Variants in TRRAP observed in about 807,000 individuals in gnomAD.
TRRAP encodes the protein transformation/transcription domain-associated protein.
In TRRAP, 41 loss-of-function variants were observed where a neutral mutation model predicts 438.8. That is an observed-to-expected ratio of 0.09 (90% confidence interval 0.07 to 0.12). The LOEUF (loss-of-function observed/expected upper bound fraction) is 0.12. Ranked by LOEUF, TRRAP falls within the 10% of genes least tolerant of loss-of-function variation. TRRAP has a pLI of 1.00. For synonymous variants in TRRAP, 1,994 were observed against 1,962.9 expected, an observed-to-expected ratio of 1.02 and a Z score of -0.42; for missense variants, 3,122 against 5,055.1, an observed-to-expected ratio of 0.62 and a Z score of 11.60.
At chr7:98,903,167 A>C (rs1262023734) in intron 11 of TRRAP, among the ~76,000 whole-genome samples, 1 of 152,166 alleles carries the variant, frequency 6.6e-6, no homozygotes, top group Non-Finnish European at 1.5e-5. Flanking sequence ...GATTACAGGC[A>C]TGTGCCATCA....
intron 15 of TRRAP, 32 bp downstream of exon 15, chr7:98,910,451 A>G (rs1554408550): frequency 1.2e-6 from 2 of 1,612,712 alleles, no homozygotes; most frequent in African/African-American, 2.7e-5. Context: ...GTAGACAAAC[A>G]ATAGTTTTCA....
chr7:98,967,298 G>T, intron 50 of TRRAP, 136 bp downstream of exon 50: 1 of 1,352,486 alleles, frequency 7.4e-7, no homozygotes, highest in Non-Finnish European at 1.0e-6. Context: ...TAAATTGTGT[G>T]ACCTACTTTG....
At chr7:98,899,631 G>A (rs782641799) in intron 9 of TRRAP, 48 bp from the exon 10 acceptor site, 35 of 1,608,208 alleles carry the variant, frequency 2.2e-5, no homozygotes, top group African/African-American at 5.3e-5. Context: ...AGATTTTGTC[G>A]CCATAGCAGA....
intron 5 of TRRAP, among the ~76,000 whole-genome samples, 166 bp from the exon 6 acceptor site, chr7:98,893,632 G>A (rs1796071292): frequency 6.6e-6 from 1 of 152,196 alleles, no homozygotes; most frequent in African/African-American, 2.4e-5. Flanking sequence ...CCTTCTGGTG[G>A]TGCACTGAAG....
At position 98,921,958 on chromosome 7, in the gene TRRAP, GCT is replaced by G; in HGVS notation, c.2823+8_2823+9del. 1 of 1,614,216 alleles carries G rather than the reference GCT, an allele frequency of 6.2e-7. No individual in the cohort carries two copies. Among genetic ancestry groups the G allele is most frequent in the Non-Finnish European group, 8.5e-7 (1 of 1,180,038 alleles). The stretch of plus-strand genomic sequence containing the variant: ...CTCCAGCTCCCCATGGAGAAGGTAA[GCT>G]CTGTGACAATGTCGTTTCGTTTTAA... On this transcript the variant is annotated splice_donor_region_variant and intron_variant, in intron 21 of 72. Transcript: ENST00000456197.
intron 65 of TRRAP, among the ~76,000 whole-genome samples, chr7:98,992,963 G>A (rs1793494971): frequency 6.6e-6 from 1 of 152,160 alleles, no homozygotes; most frequent in Non-Finnish European, 1.5e-5. Flanking sequence ...TTAAGACTAA[G>A]TGTAGAGAGG....
intron 64 of TRRAP, among the ~76,000 whole-genome samples, chr7:98,991,119 G>A (rs953176871): frequency 1.3e-5 from 2 of 152,150 alleles, no homozygotes; most frequent in African/African-American, 2.4e-5. Flanking sequence ...CCGGGGAAGC[G>A]GACAGCCCAG....
In TRRAP at chr7:99,012,501, T is replaced by C; in HGVS notation, c.*146T>C. 1.0e-6 allele frequency: 1 copy of C among 997,330 alleles called. No homozygotes were observed. Among genetic ancestry groups the C allele is most frequent in the African/African-American group, 1.6e-5 (1 of 61,248 alleles). The allele number at this position is 997,330 out of a possible 1,614,324, so 61.8% of individuals were successfully genotyped here. A position where few individuals can be genotyped will look rare whatever the true frequency, so the allele number is the denominator to read the frequency against. ...GCGGTTATTTTCCTGGTAGTTTGCGTGTAAGAAAGGGAGAATATAGTTTTA... is the reference window on the plus strand; with the variant it reads ...GCGGTTATTTTCCTGGTAGTTTGCGCGTAAGAAAGGGAGAATATAGTTTTA... On this transcript the variant is annotated 3_prime_UTR_variant, in exon 73 of 73. Transcript: ENST00000456197. The surrounding 1 kb of genome is among the most constrained non-coding windows in gnomAD (Gnocchi z 5.9).
In TRRAP at chr7:98,953,175, C is replaced by T; in HGVS notation, c.5472C>T (p.Asp1824=). 1 of 1,612,660 alleles carries T rather than the reference C, an allele frequency of 6.2e-7. No individual in the cohort carries two copies. The highest frequency in any genetic ancestry group is 8.5e-7 in the Non-Finnish European group (1 of 1,179,968). The change falls in exon 40 of 73, where the codon GAC becomes GAT. Residue 1824 remains aspartate (D), a synonymous_variant. Transcript: ENST00000456197. ...ITSVFITKVL[D]PEKQADMLDS... ...CTGCTGTCCCTGCACAGGTCCTGGACCCCGAGAAGCAGGCGGACATGCTGG... is the reference window on the plus strand; with the variant it reads ...CTGCTGTCCCTGCACAGGTCCTGGATCCCGAGAAGCAGGCGGACATGCTGG...
intron 30 of TRRAP, among the ~76,000 whole-genome samples, chr7:98,938,724 CCTTTTCATTATATACCATGATGCACTG>C (rs1554414882): frequency 1.3e-5 from 2 of 152,150 alleles, no homozygotes; most frequent in Non-Finnish European, 2.9e-5. Context: ...TTGTTCCCAG[CCTTTTCATTATATACCATGATGCACTG>C]AAAGACTTGT....
chr7:98,904,030 G>A (rs546360905), intron 12 of TRRAP, among the ~76,000 whole-genome samples: 102 of 152,110 alleles, frequency 6.7e-4, no homozygotes, highest in Non-Finnish European at 6.8e-4. Context: ...GGCTGGTCTC[G>A]AACTCCTGAC....
chr7:98,923,199 A>C (rs1789878271), intron 21 of TRRAP, among the ~76,000 whole-genome samples: 1 of 152,288 alleles, frequency 6.6e-6, no homozygotes, highest in Admixed American at 6.5e-5. Context: ...TGCGTATTTT[A>C]TTTGACTCTG....
At position 99,011,667 on chromosome 7, in the gene TRRAP, G is replaced by A; in HGVS notation, c.11337+132G>A. On this transcript the variant is annotated intron_variant, in intron 72 of 72. Transcript: ENST00000456197. This position sits in a 1 kb window ranked among gnomAD's most constrained non-coding sequence, Gnocchi z 7.1. ...TCCACAGTGGCCAGCACCCCTGTGT[G>A]TTATGTCCTTTGCTGTGAGGGCAAG... is the stretch of plus-strand genomic sequence containing the variant. The A allele has an allele frequency of 2.8e-6, 3 of 1,071,522 alleles. No homozygotes were observed. Among genetic ancestry groups the A allele is most frequent in the Non-Finnish European group, 3.9e-6 (3 of 759,994 alleles). 66.4% of individuals were successfully genotyped at this position (1,071,522 alleles called of 1,614,324 possible).
intron 66 of TRRAP, 101 bp downstream of exon 66, chr7:98,993,838 C>T: frequency 8.3e-7 from 1 of 1,205,546 alleles, no homozygotes; most frequent in South Asian, 1.4e-5. Context: ...GTTGCCGGTC[C>T]TTTTATATAT....
At position 98,976,776 on chromosome 7, in the gene TRRAP, G is replaced by A. The variant is rs554374514; in HGVS notation, c.8247+6G>A. ...GCATCACCCCGCCGCAGCAGGTGAG[G>A]GTGCGCCTCAGTTTGTTAATTACCT... On this transcript the variant is annotated splice_donor_region_variant and intron_variant, in intron 55 of 72. Transcript: ENST00000456197. This position sits in a 1 kb window ranked among gnomAD's most constrained non-coding sequence, Gnocchi z 4.6. 1.9e-6 allele frequency: 3 copies of A among 1,611,500 alleles called. No individual in the cohort carries two copies. The highest frequency in any genetic ancestry group is 2.5e-6 in the Non-Finnish European group (3 of 1,178,252).
chr7:98,974,626 C>T (rs1054531964), intron 53 of TRRAP, among the ~76,000 whole-genome samples: 1 of 152,272 alleles, frequency 6.6e-6, no homozygotes, highest in East Asian at 1.9e-4. Context: ...CATCATAATC[C>T]CGGATGTTGA....
chr7:98,960,265 G>T (rs200196306), intron 45 of TRRAP, among the ~76,000 whole-genome samples: 1 of 152,060 alleles, frequency 6.6e-6, no homozygotes, highest in South Asian at 2.1e-4. Context: ...CTGTTTTTTT[G>T]CTTATAAAAA....
intron 26 of TRRAP, among the ~76,000 whole-genome samples, chr7:98,932,861 C>G (rs538264239): frequency 6.6e-6 from 1 of 152,276 alleles, no homozygotes; most frequent in East Asian, 1.9e-4. Flanking sequence ...ACACAGAGGG[C>G]TAGCTCTACC....
intron 22 of TRRAP, 45 bp downstream of exon 22, chr7:98,925,308 T>C: frequency 6.2e-7 from 1 of 1,600,104 alleles, no homozygotes; most frequent in Non-Finnish European, 8.5e-7. Flanking sequence ...GATCCTGTTT[T>C]AGGAATTGGG....
Sources: allele counts gnomAD v4.1 joint callset (sites outside exome capture counted in the v4.1 genomes callset), GRCh38; gene constraint gnomAD v4.1.1; non-coding constraint Gnocchi (gnomAD v3.1); transcripts MANE v1.5; gene names NCBI Gene and HGNC (gene_info 2026-07-23, HGNC 2026-07-21).